Variants in PTER observed in about 807,000 individuals in gnomAD.
PTER encodes N-acetyltaurine hydrolase.
In PTER, 38 loss-of-function variants were observed where a neutral mutation model predicts 29.6. The ratio of observed to expected loss-of-function variants is 1.28; its 90% CI spans 0.99 to 1.68. The LOEUF (loss-of-function observed/expected upper bound fraction) is 1.68, where lower values mean the gene tolerates loss of function less well. Ranked by LOEUF, PTER falls within the 40% of genes most tolerant of loss-of-function variation. The probability of loss-of-function intolerance (pLI) is 0.00; values close to 1 mark genes in which losing one functional copy is unlikely to be tolerated. For missense variants in PTER, 482 were observed against 427.8 expected, an observed-to-expected ratio of 1.13 and a Z score of -1.12; for synonymous variants, 172 against 154.5, an observed-to-expected ratio of 1.11 and a Z score of -0.84.
intron 1 of PTER, among the ~76,000 whole-genome samples, chr10:16,460,849 G>A (rs1471289164): frequency 5.3e-5 from 8 of 151,874 alleles, no homozygotes; most frequent in South Asian, 2.1e-4. Flanking sequence ...CCCAATTAGC[G>A]GGGATTACAG....
intron 1 of PTER, among the ~76,000 whole-genome samples, chr10:16,459,356 G>A (rs1467766109): frequency 6.6e-6 from 1 of 152,174 alleles, no homozygotes; most frequent in Non-Finnish European, 1.5e-5. Context: ...CAGTTACAGG[G>A]TGGGTCTATA....
chr10:16,486,225 G>A, intron 2 of PTER, 127 bp from the exon 3 acceptor site: 3 of 1,126,978 alleles, frequency 2.7e-6, no homozygotes, highest in Non-Finnish European at 3.7e-6. Flanking sequence ...AATATTAATT[G>A]ATAAATACTG....
chr10:16,504,915 C>T (rs1438445935), intron 3 of PTER, 105 bp from the exon 4 acceptor site: 1 of 1,319,660 alleles, frequency 7.6e-7, no homozygotes, highest in Non-Finnish European at 1.0e-6. Context: ...TACTCGACTT[C>T]AACTATGTTC....
At chr10:16,480,196 T>TTC (rs1385017819) in intron 1 of PTER, among the ~76,000 whole-genome samples, 1 of 148,310 alleles carries the variant, frequency 6.7e-6, no homozygotes, top group Non-Finnish European at 1.5e-5. Context: ...CTATAGCATT[T>TTC]TTTTTTTTTT....
chr10:16,511,050 C>CGTCT lies in PTER; in HGVS notation c.845_848dup (p.Leu284SerfsTer8). The stretch of plus-strand genomic sequence containing the variant: ...ATGAGTTAACATTTTTCACAGGGTG[C>CGTCT]GTCTCCTGGTGGAAGAGGGCTGTGA... On this transcript the variant is annotated frameshift_variant, in exon 5 of 5. Coordinates refer to ENST00000535784, the MANE Select transcript of PTER (RefSeq NM_001261836.2). LOFTEE classifies it high-confidence loss of function. 1 of 1,611,434 alleles carries CGTCT rather than the reference C, an allele frequency of 6.2e-7. No individual in the cohort carries two copies. Among genetic ancestry groups the CGTCT allele is most frequent in the Non-Finnish European group, 8.5e-7 (1 of 1,178,616 alleles).
Position 16,513,727 on chromosome 10 carries a change from C to T in PTER, c.*2471C>T, listed in dbSNP as rs1171433495. ...TGATTTGATACTAAAGAATAAATTT[C>T]TCTGACTTTCCCAGTGAATCTAAAT... On this transcript the variant is annotated 3_prime_UTR_variant, in exon 5 of 5. Transcript: ENST00000535784. 2.6e-5 allele frequency: 4 copies of T among 152,496 alleles called. No homozygotes were observed. Among genetic ancestry groups the T allele is most frequent in the Non-Finnish European group, 5.9e-5 (4 of 67,980 alleles). 9.4% of individuals were successfully genotyped at this position (152,496 alleles called of 1,614,324 possible).
At chr10:16,517,674 G>A (rs183158682), downstream of PTER, among the ~76,000 whole-genome samples, 10 of 152,296 alleles carry the variant, frequency 6.6e-5, no homozygotes, top group South Asian at 2.1e-4. Context: ...TGGGGAGTAT[G>A]AGAGCTGCGG....
chr10:16,486,666 C>T (rs1835713672), intron 3 of PTER, 49 bp downstream of exon 3: 2 of 1,544,160 alleles, frequency 1.3e-6, no homozygotes, highest in Non-Finnish European at 1.8e-6. Context: ...ATAATTAATG[C>T]ATGATCAAAT....
At chr10:16,479,303 A>G (rs893427842) in intron 1 of PTER, among the ~76,000 whole-genome samples, 2 of 152,166 alleles carry the variant, frequency 1.3e-5, no homozygotes, top group African/African-American at 2.4e-5. Context: ...ATTAAAAGTT[A>G]TAAATGCACA....
At chr10:16,449,188 A>G (rs957296986) in intron 1 of PTER, among the ~76,000 whole-genome samples, 2 of 152,138 alleles carry the variant, frequency 1.3e-5, no homozygotes, top group South Asian at 4.1e-4. Flanking sequence ...GGCAGCTCTA[A>G]TGGCTTCTAT....
At chr10:16,471,419 T>C (rs77053661) in intron 1 of PTER, among the ~76,000 whole-genome samples, 1 of 152,244 alleles carries the variant, frequency 6.6e-6, no homozygotes, top group East Asian at 1.9e-4. Flanking sequence ...TGATTATAAA[T>C]GTTATAAACA....
At chr10:16,496,494 T>C (rs777579545) in intron 3 of PTER, among the ~76,000 whole-genome samples, 31 of 152,328 alleles carry the variant, frequency 2.0e-4, no homozygotes, top group Non-Finnish European at 1.0e-4. Flanking sequence ...GCTAGGAATG[T>C]TCTATTTCCC....
Position 16,484,523 on chromosome 10 carries a change from A to G in PTER, c.139A>G (p.Ile47Val). 1 of 1,614,114 alleles carries G rather than the reference A, an allele frequency of 6.2e-7. No individual in the cohort carries two copies. ...YCPPPPCQEA[I>V]SKEPIVMKNL... ...TCCACCTCCCCCGTGCCAGGAAGCTATTTCCAAAGAACCTATCGTGATGAA... is the reference window on the plus strand; with the variant it reads ...TCCACCTCCCCCGTGCCAGGAAGCTGTTTCCAAAGAACCTATCGTGATGAA... Residue 47 changes from isoleucine to valine, a missense_variant, in exon 2 of 5, where the codon ATT (isoleucine) becomes GTT (valine). Coordinates refer to ENST00000535784, the MANE Select transcript of PTER (RefSeq NM_001261836.2).
downstream of PTER, chr10:16,514,156 A>G (rs975371433): frequency 5.0e-6 from 2 of 399,254 alleles, no homozygotes; most frequent in African/African-American, 4.1e-5. Context: ...CACAAGAACC[A>G]AAGCTGACAT....
At chr10:16,495,266 G>C (rs535692644) in intron 3 of PTER, among the ~76,000 whole-genome samples, 1 of 151,464 alleles carries the variant, frequency 6.6e-6, no homozygotes, top group African/African-American at 2.4e-5. Flanking sequence ...CACCTCCCAG[G>C]TTCAAGCGAT....
In PTER at chr10:16,451,806, A is replaced by ACC. The variant is rs371688390; in HGVS notation, c.-49+14764_-49+14765dup. 2.5e-3 allele frequency among the ~76,000 whole-genome samples: 378 copies of ACC among 152,214 alleles called. 2 individuals are homozygous for ACC. Among genetic ancestry groups the ACC allele is most frequent in the African/African-American group, 8.3e-3 (344 of 41,526 alleles). ...TATCTGATGTGTTGGGAGGGTTATT[A>ACC]CCCCCCAGAAAAGGATTTCTTTCAT... is the stretch of plus-strand genomic sequence containing the variant. On this transcript the variant is annotated intron_variant, in intron 1 of 4. Transcript: ENST00000535784.
chr10:16,447,173 T>G (rs1408168592), intron 1 of PTER, among the ~76,000 whole-genome samples: 1 of 146,302 alleles, frequency 6.8e-6, no homozygotes, highest in Admixed American at 7.1e-5. Context: ...CCATCATAGC[T>G]CACTGCAGCC....
Position 16,462,788 on chromosome 10 carries a change from C to A in PTER, c.-48-21549C>A, listed in dbSNP as rs1163145903. ...GTTTCACCATGTAGGCCAGGCTGGT[C>A]TCAAACTCCTGGCCTCAAGTGATCC... On this transcript the variant is annotated intron_variant, in intron 1 of 4. Transcript: ENST00000535784. 2.0e-5 allele frequency among the ~76,000 whole-genome samples: 3 copies of A among 148,062 alleles called. No homozygotes were observed. The Admixed American group carries it at 2.0e-4, about 10-fold the overall frequency.
At chr10:16,486,843 A>C in intron 3 of PTER, 2 of 497,332 alleles carry the variant, frequency 4.0e-6, no homozygotes, top group Middle Eastern at 5.4e-4. Flanking sequence ...TATTTCACAT[A>C]AGATATTTCG....
Sources: gnomAD v4.1 joint callset for allele counts (sites outside exome capture counted in the v4.1 genomes callset) on GRCh38, gnomAD v4.1.1 for gene constraint, MANE v1.5 for transcripts, NCBI Gene and HGNC (gene_info 2026-07-23, HGNC 2026-07-21) for gene names.